The following KDM1A variants were observed in gnomAD, a reference collection of about 807,000 sequenced individuals.
KDM1A encodes the protein lysine-specific histone demethylase 1A.
Under a neutral mutation model 109.4 loss-of-function variants are expected in KDM1A, and 49 were observed. The observed-to-expected ratio is 0.45, with a 90% confidence interval of 0.36 to 0.57. The LOEUF (loss-of-function observed/expected upper bound fraction) is 0.57. Among genes scored for constraint, KDM1A ranks in the 20% least tolerant of loss-of-function variants. KDM1A has a pLI of 0.00. For synonymous variants in KDM1A, 380 were observed against 415.4 expected, an observed-to-expected ratio of 0.91 and a Z score of 1.04; for missense variants, 668 against 1,116.6, an observed-to-expected ratio of 0.60 and a Z score of 5.73.
chr1:23,048,031 T>A (rs984398571), intron 3 of KDM1A, among the ~76,000 whole-genome samples: 1 of 152,220 alleles, frequency 6.6e-6, no homozygotes, highest in Non-Finnish European at 1.5e-5. Context: ...TGACTACTTA[T>A]TAAATGTATA....
intron 7 of KDM1A, among the ~76,000 whole-genome samples, chr1:23,056,495 G>C (rs936050403): frequency 1.3e-5 from 2 of 151,954 alleles, no homozygotes; most frequent in Non-Finnish European, 2.9e-5. Context: ...GGAGCAATAA[G>C]GGATAATGGC....
At chr1:23,055,509 A>G (rs542981261) in intron 6 of KDM1A, 9 of 174,432 alleles carry the variant, frequency 5.2e-5, no homozygotes, top group East Asian at 1.5e-4. Context: ...TATGTTGTCA[A>G]TAGTTGATTT....
At chr1:23,020,699 T>C (rs995737420) in intron 1 of KDM1A, 1 of 151,288 alleles carries the variant, frequency 6.6e-6, no homozygotes, top group African/African-American at 2.4e-5. Context: ...TACTTTTTTT[T>C]GTTGTTGTTA....
chr1:23,058,821 G>A (rs1037482329), intron 8 of KDM1A, among the ~76,000 whole-genome samples: 6 of 152,048 alleles, frequency 3.9e-5, no homozygotes, highest in African/African-American at 1.4e-4. Context: ...ATACTTTTTT[G>A]TGTGGGTCTG....
chr1:23,057,655 G>A, intron 8 of KDM1A, 90 bp downstream of exon 8: 2 of 934,004 alleles, frequency 2.1e-6, no homozygotes, highest in East Asian at 2.4e-5. Flanking sequence ...AAAATGTATT[G>A]GTTTAGAATA....
At chr1:23,030,394 C>G (rs1023145516) in intron 1 of KDM1A, 75 bp from the exon 2 acceptor site, 74 of 1,127,574 alleles carry the variant, frequency 6.6e-5, no homozygotes, top group Non-Finnish European at 8.1e-5. Flanking sequence ...TTTACATTGA[C>G]TGATGGTTCC....
At chr1:23,068,396 A>C (rs1557578909) in intron 10 of KDM1A, 143 bp from the exon 11 acceptor site, 1 of 622,574 alleles carries the variant, frequency 1.6e-6, no homozygotes. Flanking sequence ...CTTCATAGAA[A>C]AGAAAATTTG....
chr1:23,034,101 GT>G (rs1223165373), intron 2 of KDM1A, among the ~76,000 whole-genome samples: 11 of 152,270 alleles, frequency 7.2e-5, no homozygotes, highest in Non-Finnish European at 1.6e-4. Flanking sequence ...TTGACCGTAA[GT>G]TAATGTGATA....
chr1:23,042,440 A>ATTATTATTATTATTTT lies in KDM1A; in HGVS notation c.518-1985_518-1984insATTATTATTATTTTTT, dbSNP rs1553127465. On this transcript the variant is annotated intron_variant, in intron 2 of 20. Coordinates refer to ENST00000400181, the MANE Select transcript of KDM1A (RefSeq NM_001009999.3). ...TTTTTAAAAATCTATGAAATATATT[A>ATTATTATTATTATTTT]TTTTTTTTTTTTTTTTTTTTTTTTT... 7.6e-3 allele frequency among the ~76,000 whole-genome samples: 163 copies of ATTATTATTATTATTTT among 21,586 alleles called. 11 individuals are homozygous for ATTATTATTATTATTTT. The highest frequency in any genetic ancestry group is 0.038 in the Middle Eastern group (1 of 26). The allele number at this position is 21,586 out of a possible 152,430, so 14.2% of individuals were successfully genotyped here.
intron 10 of KDM1A, among the ~76,000 whole-genome samples, chr1:23,067,235 A>G (rs915471480): frequency 6.6e-6 from 1 of 152,212 alleles, no homozygotes; most frequent in Non-Finnish European, 1.5e-5. Flanking sequence ...TTGGGAACTT[A>G]CTGTTTGAAT....
At chr1:23,026,264 T>G (rs1238366616) in intron 1 of KDM1A, among the ~76,000 whole-genome samples, 2 of 152,156 alleles carry the variant, frequency 1.3e-5, no homozygotes, top group African/African-American at 4.8e-5. Flanking sequence ...TTTTTTTTAA[T>G]TTTTATTTTT....
intron 3 of KDM1A, among the ~76,000 whole-genome samples, chr1:23,046,170 T>C (rs1157162167): frequency 2.0e-5 from 3 of 152,182 alleles, no homozygotes; most frequent in East Asian, 1.9e-4. Flanking sequence ...CCAGCAGTTC[T>C]GGAGAAGGAG....
At chr1:23,076,610 T>C (rs140180202) in intron 15 of KDM1A, among the ~76,000 whole-genome samples, 2 of 149,666 alleles carry the variant, frequency 1.3e-5, no homozygotes, top group Non-Finnish European at 3.0e-5. Flanking sequence ...TCATTCCCCC[T>C]ACCACCTCCC....
Position 23,030,565 on chromosome 1 carries a change from A to C in KDM1A, c.448A>C (p.Lys150Gln), listed in dbSNP as rs774665623. 2 of 1,612,416 alleles carry C rather than the reference A, an allele frequency of 1.2e-6. No individual in the cohort carries two copies. The highest frequency in any genetic ancestry group is 1.7e-6 in the Non-Finnish European group (2 of 1,179,598). Residue 150 changes from lysine (K) to glutamine (Q), a missense_variant, in exon 2 of 21, where the codon AAG (lysine) becomes CAG (glutamine). This residue lies in a region of KDM1A where 149 missense variants were observed against 189.7 expected (regional missense o/e 0.79). Coordinates refer to ENST00000400181, the MANE Select transcript of KDM1A (RefSeq NM_001009999.3). ...AAATGCCAAAGCAGAGAAGGAAAAG[A>C]AGCTTCCCCCACCACCCCCTCAAGC... ...ERNAKAEKEK[K>Q]LPPPPPQAPP...
chr1:23,082,468 T>A, intron 20 of KDM1A, 102 bp downstream of exon 20: 1 of 1,124,710 alleles, frequency 8.9e-7, no homozygotes. Context: ...CATTCCATCT[T>A]CGGACCCTTT....
chr1:23,075,438 G>A (rs2124529878), intron 15 of KDM1A, among the ~76,000 whole-genome samples: 1 of 152,104 alleles, frequency 6.6e-6, no homozygotes, highest in East Asian at 1.9e-4. Flanking sequence ...GGGCATGGTG[G>A]CGGGCACCTG....
At chr1:23,069,978 C>T (rs1401328438) in intron 12 of KDM1A, among the ~76,000 whole-genome samples, 1 of 152,240 alleles carries the variant, frequency 6.6e-6, no homozygotes, top group East Asian at 1.9e-4. Flanking sequence ...CTCACTGTGC[C>T]TCATTCTTCA....
chr1:23,059,223 T>G (rs1642927643), intron 9 of KDM1A, 56 bp downstream of exon 9: 1 of 1,290,200 alleles, frequency 7.8e-7, no homozygotes, highest in African/African-American at 1.5e-5. Flanking sequence ...TGAAAACAAT[T>G]TTAGGAGAAT....
chr1:23,057,306 A>T (rs763154651), intron 7 of KDM1A, among the ~76,000 whole-genome samples, 178 bp from the exon 8 acceptor site: 1 of 152,208 alleles, frequency 6.6e-6, no homozygotes, highest in African/African-American at 2.4e-5. Context: ...TTCTCCTTCA[A>T]ATAGTCTTCA....
Sources: allele counts gnomAD v4.1 joint callset (sites outside exome capture counted in the v4.1 genomes callset), GRCh38; gene constraint gnomAD v4.1.1; regional missense constraint gnomAD v4.1.1; transcripts MANE v1.5; gene names NCBI Gene and HGNC (gene_info 2026-07-23, HGNC 2026-07-21).